ANKHD1: variants seen among roughly 807,000 people sequenced by gnomAD.
ANKHD1 encodes ankyrin repeat and KH domain containing 1, also known as ankyrin repeat and KH domain-containing protein 1.
A neutral mutation model predicts 230.5 loss-of-function variants in ANKHD1; 31 were observed. The observed-to-expected ratio is 0.13, with a 90% CI of 0.10 to 0.18. ANKHD1 has a LOEUF of 0.18. Among genes scored for constraint, ANKHD1 ranks in the 10% least tolerant of loss-of-function variants. The pLI, the probability that ANKHD1 is intolerant of heterozygous loss-of-function variation, is 1.00. For missense variants in ANKHD1, 2,256 were observed against 3,071.3 expected, an observed-to-expected ratio of 0.73 and a Z score of 6.27; for synonymous variants, 1,074 against 1,117.6, an observed-to-expected ratio of 0.96 and a Z score of 0.78.
At chr5:140,511,346 A>G (rs1561814812) in intron 22 of ANKHD1, among the ~76,000 whole-genome samples, 1 of 152,054 alleles carries the variant, frequency 6.6e-6, no homozygotes, top group Non-Finnish European at 1.5e-5. Context: ...AATGCACTAA[A>G]TTTTCAACTG....
At chr5:140,480,458 A>G (rs1751223832) in intron 10 of ANKHD1, among the ~76,000 whole-genome samples, 1 of 152,074 alleles carries the variant, frequency 6.6e-6, no homozygotes, top group African/African-American at 2.4e-5. Flanking sequence ...TTCATTTGAA[A>G]TGTCTTTGCC....
intron 15 of ANKHD1, among the ~76,000 whole-genome samples, chr5:140,500,665 A>AAAAAG (rs1554092038): frequency 0.22 from 24,660 of 113,674 alleles, 3,333 homozygotes; most frequent in East Asian, 0.29. Context: ...AAAAAAAAAA[A>AAAAAG]AAAAGAAAAG....
At chr5:140,510,240 T>C (rs1752697464) in intron 22 of ANKHD1, 59 bp downstream of exon 22, 3 of 1,506,034 alleles carry the variant, frequency 2.0e-6, no homozygotes. Context: ...TAAAACCATG[T>C]GAGAAAGATA....
intron 10 of ANKHD1, among the ~76,000 whole-genome samples, chr5:140,473,026 C>CTTTT (rs67081504): frequency 1.5e-5 from 2 of 131,152 alleles, no homozygotes; most frequent in African/African-American, 5.5e-5. Flanking sequence ...ATCTAAGTTT[C>CTTTT]TTTTTTTTTT....
intron 7 of ANKHD1, among the ~76,000 whole-genome samples, chr5:140,451,716 C>G (rs975382908): frequency 6.6e-6 from 1 of 152,110 alleles, no homozygotes; most frequent in Non-Finnish European, 1.5e-5. Context: ...ACCCTTTCCC[C>G]AGGGTGGTCT....
At chr5:140,441,780 G>T (rs1773867177) in intron 5 of ANKHD1, among the ~76,000 whole-genome samples, 1 of 151,692 alleles carries the variant, frequency 6.6e-6, no homozygotes. Context: ...TGCCACAGGG[G>T]GCAAAATTGG....
At chr5:140,417,693 G>A (rs1208825016) in intron 1 of ANKHD1, among the ~76,000 whole-genome samples, 1 of 152,174 alleles carries the variant, frequency 6.6e-6, no homozygotes, top group Non-Finnish European at 1.5e-5. Context: ...AGCTCAAGCA[G>A]TCTGCCTGCG....
intron 24 of ANKHD1, among the ~76,000 whole-genome samples, chr5:140,517,788 G>T (rs1753105001): frequency 6.8e-6 from 1 of 147,350 alleles, no homozygotes; most frequent in African/African-American, 2.5e-5. Context: ...CACATTCAAA[G>T]CAGTGTGTAG....
intron 22 of ANKHD1, among the ~76,000 whole-genome samples, chr5:140,512,394 A>G (rs979077130): frequency 6.6e-6 from 1 of 152,164 alleles, no homozygotes; most frequent in Non-Finnish European, 1.5e-5. Context: ...GCAAAGTAAG[A>G]CTTTGAAATT....
rs1001585568 is a variant in ANKHD1 at position 140,529,296 on chromosome 5, A to G, written c.6350A>G (p.Asn2117Ser). 1 of 1,614,232 alleles carries G rather than the reference A, an allele frequency of 6.2e-7. No homozygotes were observed. Among genetic ancestry groups the G allele is most frequent in the African/African-American group, 1.3e-5 (1 of 75,064 alleles). Residue 2117 changes from asparagine to serine, a missense_variant, in exon 29 of 34, where the codon AAT (asparagine) becomes AGT (serine). Asn to Ser is a conservative substitution (Grantham distance 46). This residue lies in a region of ANKHD1 where 778 missense variants were observed against 966.5 expected (regional missense o/e 0.80). Transcript: ENST00000360839. ...LTSPRMVAADNQDTSNLPQLA... is the reference protein window; with the variant it reads ...LTSPRMVAADSQDTSNLPQLA... ...TCACCCAGAATGGTTGCTGCTGATAATCAGGACACCAGTAATTTACCTCAG... is the reference window on the plus strand; with the variant it reads ...TCACCCAGAATGGTTGCTGCTGATAGTCAGGACACCAGTAATTTACCTCAG...
At chr5:140,456,801 G>A (rs1480633801) in intron 7 of ANKHD1, among the ~76,000 whole-genome samples, 1 of 152,098 alleles carries the variant, frequency 6.6e-6, no homozygotes, top group Non-Finnish European at 1.5e-5. Context: ...GCTTGGGCAA[G>A]GACTTCATGT....
At chr5:140,531,184 C>G in intron 29 of ANKHD1, 1 of 292,858 alleles carries the variant, frequency 3.4e-6, no homozygotes, top group Admixed American at 4.7e-5. Flanking sequence ...CTTCTAGGGC[C>G]TAGGATTAAT....
chr5:140,538,214 A>G lies in ANKHD1; in HGVS notation c.7357A>G (p.Asn2453Asp). The change falls in exon 32 of 34, where the codon AAC becomes GAC. Residue 2453 changes from asparagine to aspartate, a missense_variant. By Grantham distance (23) the Asn-to-Asp change is conservative. This residue lies in a region of ANKHD1 where 778 missense variants were observed against 966.5 expected (regional missense o/e 0.80). Transcript: ENST00000360839. ...TGATTCTGGAATGGTAGCCCCCTCT[A>G]ACATTTTTCATCAGCCTATGGCAAG... Reference protein sequence around the residue: ...RDDSGMVAPSNIFHQPMASGF... With the variant: ...RDDSGMVAPSDIFHQPMASGF... The G allele has an allele frequency of 6.2e-7, 1 of 1,614,154 alleles. No homozygotes were observed. Among genetic ancestry groups the G allele is most frequent in the Non-Finnish European group, 8.5e-7 (1 of 1,180,010 alleles).
At chr5:140,525,849 A>C (rs1753584308) in intron 25 of ANKHD1, 147 bp from the exon 26 acceptor site, 1 of 1,111,986 alleles carries the variant, frequency 9.0e-7, no homozygotes. Context: ...AAAAAAAAAA[A>C]AGATTTCTTT....
chr5:140,425,132 T>C (rs1772299703), intron 1 of ANKHD1, among the ~76,000 whole-genome samples: 1 of 152,224 alleles, frequency 6.6e-6, no homozygotes, highest in Admixed American at 6.5e-5. Flanking sequence ...AAATGAAGTT[T>C]TTGTGTTCGA....
intron 1 of ANKHD1, among the ~76,000 whole-genome samples, chr5:140,433,208 A>G (rs1745978544): frequency 1.3e-5 from 2 of 152,152 alleles, no homozygotes; most frequent in African/African-American, 4.8e-5. Flanking sequence ...AGCTGATTAC[A>G]ATCATGTGCC....
At position 140,528,787 on chromosome 5, in the gene ANKHD1, G is replaced by A. The variant is rs1413374742; in HGVS notation, c.5841G>A (p.Leu1947=). The A allele has an allele frequency of 3.1e-6, 5 of 1,614,140 alleles. No homozygotes were observed. Among genetic ancestry groups the A allele is most frequent in the East Asian group, 2.2e-5 (1 of 44,886 alleles). The part of the protein sequence containing the change: ...VSSVVAASQQ[L]CVTNTRTPSS... ...CTGTAGTTGCTGCCAGTCAGCAACT[G>A]TGTGTCACTAATACCCGGACTCCTT... The change falls in exon 29 of 34, where the codon CTG becomes CTA. Residue 1947 remains leucine (L), a synonymous_variant. Coordinates refer to ENST00000360839, the MANE Select transcript of ANKHD1 (RefSeq NM_017747.3).
At chr5:140,519,213 A>G (rs1753197427) in intron 24 of ANKHD1, among the ~76,000 whole-genome samples, 1 of 152,184 alleles carries the variant, frequency 6.6e-6, no homozygotes, top group Admixed American at 6.5e-5. Context: ...TAGGAATCCA[A>G]CTTACAAGGG....
rs570915670 is a variant in ANKHD1 at position 140,448,632 on chromosome 5, G to A, written c.1148-579G>A. Among the ~76,000 whole-genome samples the A allele has an allele frequency of 4.6e-5, 7 of 152,214 alleles. No individual in the cohort carries two copies. In the South Asian group the frequency reaches 1.5e-3, roughly 32 times the overall value. ...TGTTTTAATTTGCATTTCTTTAATA[G>A]GAAGGTTTAATATTGTTTTCATCAG... is the stretch of plus-strand genomic sequence containing the variant. On this transcript the variant is annotated intron_variant, in intron 6 of 33. Transcript: ENST00000360839.
Sources: allele counts gnomAD v4.1 joint callset (sites outside exome capture counted in the v4.1 genomes callset), GRCh38; gene constraint gnomAD v4.1.1; regional missense constraint gnomAD v4.1.1; transcripts MANE v1.5; gene names NCBI Gene and HGNC (gene_info 2026-07-23, HGNC 2026-07-21).